XPNPEP2: variants seen among roughly 807,000 people sequenced by gnomAD.
XPNPEP2 encodes X-prolyl aminopeptidase 2, also known as xaa-Pro aminopeptidase 2.
XPNPEP2 carries 64 observed loss-of-function variants against 59.8 expected under a neutral mutation model. The observed-to-expected ratio is 1.07, with a 90% confidence interval of 0.87 to 1.32. XPNPEP2 has a LOEUF of 1.32. XPNPEP2 is among the 40% of genes most tolerant of loss of function. The probability of loss-of-function intolerance (pLI) is 0.00; values close to 1 mark genes in which losing one functional copy is unlikely to be tolerated. For synonymous variants in XPNPEP2, 235 were observed against 210.0 expected, an observed-to-expected ratio of 1.12 and a Z score of -1.03; for missense variants, 575 against 546.8, an observed-to-expected ratio of 1.05 and a Z score of -0.51.
intron 10 of XPNPEP2, 49 bp from the exon 11 acceptor site, chrX:129,753,110 C>A: frequency 1.8e-6 from 2 of 1,104,096 alleles, no homozygotes; most frequent in Non-Finnish European, 2.5e-6. Flanking sequence ...TTACTGTGCC[C>A]CCAGACCTGT....
Position 129,747,662 on chromosome X carries a change from C to T in XPNPEP2, c.546C>T (p.Ser182=), listed in dbSNP as rs756276946. Residue 182 remains serine (S), a synonymous_variant, in exon 7 of 21, where the codon TCC becomes TCT. Transcript: ENST00000371106. ...ALQGSNRQLV[S]ITTNLVDLVW... is the part of the protein sequence containing the mutation. ...AAGGCTCTAACAGACAGCTGGTGTC[C>T]ATCACAACCAATCTTGTGGACCTGG... 8 of 1,211,976 alleles carry T rather than the reference C, an allele frequency of 6.6e-6. No individual in the cohort carries two copies. The South Asian group carries it at 1.2e-4, about 19-fold the overall frequency.
At chrX:129,748,537 G>A (rs1404447333) in intron 7 of XPNPEP2, among the ~76,000 whole-genome samples, 1 of 111,950 alleles carries the variant, frequency 8.9e-6, no homozygotes, top group Non-Finnish European at 1.9e-5. Flanking sequence ...CTTTCCGCAT[G>A]CAAGTCCACA....
At chrX:129,755,908 G>A (rs750725380) in intron 13 of XPNPEP2, among the ~76,000 whole-genome samples, 12 of 112,618 alleles carry the variant, frequency 1.1e-4, no homozygotes, top group South Asian at 3.6e-4. Flanking sequence ...CCACGCCTTC[G>A]GCTGCCTTGC....
Position 129,742,149 on chromosome X carries a change from C to T in XPNPEP2, c.91C>T (p.Gln31Ter). The stretch of plus-strand genomic sequence containing the variant: ...CACAAAGCCAGTGGACCTTGGAGGG[C>T]AGGATGTGAGAAACTGTTCCACCAA... ...GHTKPVDLGG[Q>*]DVRNCSTNPP... Residue 31 changes from glutamine (Q) to a stop codon, truncating the protein, a stop_gained, in exon 2 of 21, where the codon CAG (glutamine) becomes TAG (stop). Transcript: ENST00000371106. LOFTEE classifies it high-confidence loss of function. The T allele has an allele frequency of 8.3e-7, 1 of 1,210,076 alleles. No individual in the cohort carries two copies. Among genetic ancestry groups the T allele is most frequent in the South Asian group, 1.8e-5 (1 of 56,836 alleles).
intron 2 of XPNPEP2, among the ~76,000 whole-genome samples, chrX:129,743,382 C>G (rs1197618830): frequency 8.9e-6 from 1 of 112,116 alleles, no homozygotes; most frequent in Non-Finnish European, 1.9e-5. Flanking sequence ...TGGGTGGCAA[C>G]CTGAAAAAGC....
intron 11 of XPNPEP2, 32 bp downstream of exon 11, chrX:129,753,280 T>TG (rs758422242): frequency 8.7e-7 from 1 of 1,155,727 alleles, no homozygotes; most frequent in African/African-American, 1.8e-5. Flanking sequence ...CATGGCCTTT[T>TG]GGGAGTATCC....
chrX:129,768,262 G>C, intron 20 of XPNPEP2, 29 bp from the exon 21 acceptor site: 6 of 1,133,713 alleles, frequency 5.3e-6, no homozygotes, highest in Non-Finnish European at 7.0e-6. Context: ...TTGGCTTAGA[G>C]AGGCTGTCAC....
chrX:129,761,188 C>T lies in XPNPEP2; in HGVS notation c.1515C>T (p.Ala505=). 2 of 1,211,837 alleles carry T rather than the reference C, an allele frequency of 1.7e-6. No individual in the cohort carries two copies. The highest frequency in any genetic ancestry group is 2.2e-6 in the Non-Finnish European group (2 of 895,388). Residue 505 remains alanine (A), a synonymous_variant, in exon 17 of 21, where the codon GCC becomes GCT. Coordinates refer to ENST00000371106, the MANE Select transcript of XPNPEP2 (RefSeq NM_003399.6). ...CCCTTCCAGGGCGAATGGTGGAGGCCTTTGCCCGCAGAGCCTTGTGGGATG... is the reference window on the plus strand; with the variant it reads ...CCCTTCCAGGGCGAATGGTGGAGGCTTTTGCCCGCAGAGCCTTGTGGGATG... The part of the protein sequence containing the change: ...PAATSGRMVE[A]FARRALWDAG...
chrX:129,761,476 C>G (rs929739695), intron 17 of XPNPEP2, among the ~76,000 whole-genome samples, 200 bp downstream of exon 17: 1 of 111,681 alleles, frequency 9.0e-6, no homozygotes, highest in African/African-American at 3.3e-5. Flanking sequence ...AAGAGGGCAC[C>G]AGAAAGAGGG....
chrX:129,744,296 C>T (rs748299608), intron 3 of XPNPEP2, among the ~76,000 whole-genome samples: 80 of 112,134 alleles, frequency 7.1e-4, no homozygotes, highest in African/African-American at 2.0e-3. Context: ...AGAAATTAAA[C>T]TATAAACAAC....
chrX:129,751,043 A>G (rs1926381971), intron 8 of XPNPEP2, among the ~76,000 whole-genome samples: 1 of 107,031 alleles, frequency 9.3e-6, no homozygotes, highest in Non-Finnish European at 1.9e-5. Context: ...AAGTATCTGC[A>G]TTTTTCTGGG....
At chrX:129,740,958 G>A (rs919322815) in intron 1 of XPNPEP2, among the ~76,000 whole-genome samples, 5 of 107,744 alleles carry the variant, frequency 4.6e-5, no homozygotes, top group South Asian at 4.1e-4. Flanking sequence ...AAAAAAGGAG[G>A]GGGGGCGGGG....
At chrX:129,746,178 G>C in intron 4 of XPNPEP2, 58 bp from the exon 5 acceptor site, 2 of 1,051,022 alleles carry the variant, frequency 1.9e-6, no homozygotes, top group Non-Finnish European at 2.6e-6. Flanking sequence ...ACATCCATCA[G>C]CTAATGCCAC....
At chrX:129,742,840 T>G (rs747742721) in intron 2 of XPNPEP2, among the ~76,000 whole-genome samples, 6 of 111,966 alleles carry the variant, frequency 5.4e-5, no homozygotes, top group Non-Finnish European at 1.1e-4. Flanking sequence ...AAGCAGAGGT[T>G]GCAGTGAGCC....
intron 18 of XPNPEP2, among the ~76,000 whole-genome samples, 166 bp from the exon 19 acceptor site, chrX:129,762,528 G>T (rs1227372829): frequency 9.0e-6 from 1 of 111,725 alleles, no homozygotes; most frequent in African/African-American, 3.3e-5. Context: ...GGGATGAGTT[G>T]CCTCTGCTTA....
At chrX:129,744,117 T>A in intron 3 of XPNPEP2, 46 bp downstream of exon 3, 1 of 1,085,062 alleles carries the variant, frequency 9.2e-7, no homozygotes, top group Non-Finnish European at 1.3e-6. Flanking sequence ...CTACCCTGGG[T>A]CAGAGACCAC....
intron 1 of XPNPEP2, among the ~76,000 whole-genome samples, chrX:129,741,171 T>C (rs1263761198): frequency 3.7e-5 from 2 of 54,688 alleles, no homozygotes; most frequent in Non-Finnish European, 6.0e-5. Flanking sequence ...TCAATGAATA[T>C]TGGGGGGGGG....
chrX:129,745,237 C>A lies in XPNPEP2; in HGVS notation c.269C>A (p.Ala90Glu). ...EYIGQHDERR[A>E]WITGFTGSAG... ...ATCGGCCAACATGACGAGAGGCGTGCGTGGATTACAGGCTTTACAGGGTCT... is the reference window on the plus strand; with the variant it reads ...ATCGGCCAACATGACGAGAGGCGTGAGTGGATTACAGGCTTTACAGGGTCT... Residue 90 changes from alanine (A) to glutamate (E), a missense_variant, in exon 4 of 21, where the codon GCG (alanine) becomes GAG (glutamate). By Grantham distance (107) the Ala-to-Glu change is moderately radical (BLOSUM62 -1). Coordinates refer to ENST00000371106, the MANE Select transcript of XPNPEP2 (RefSeq NM_003399.6). The A allele has an allele frequency of 8.3e-7, 1 of 1,211,537 alleles. No individual in the cohort carries two copies. The highest frequency in any genetic ancestry group is 1.1e-6 in the Non-Finnish European group (1 of 895,460).
At chrX:129,758,519 C>T (rs1029830393) in intron 14 of XPNPEP2, among the ~76,000 whole-genome samples, 2 of 111,344 alleles carry the variant, frequency 1.8e-5, no homozygotes, top group Admixed American at 9.5e-5. Flanking sequence ...GGGAGTCAGA[C>T]CTTGGGACTG....
Sources: gnomAD v4.1 joint callset for allele counts (sites outside exome capture counted in the v4.1 genomes callset) on GRCh38, gnomAD v4.1.1 for gene constraint, MANE v1.5 for transcripts, NCBI Gene and HGNC (gene_info 2026-07-23, HGNC 2026-07-21) for gene names.